The following AMPH variants were observed in gnomAD, a reference collection of about 807,000 sequenced individuals.
AMPH encodes the protein amphiphysin, also known as amphiphysin (Stiff-Mann syndrome with breast cancer 128kD autoantigen).
Under a neutral mutation model 99.1 loss-of-function variants are expected in AMPH, and 49 were observed. The ratio of observed to expected loss-of-function variants is 0.49; its 90% CI spans 0.39 to 0.63. The LOEUF is 0.63. Among genes scored for constraint, AMPH ranks in the 20% least tolerant of loss-of-function variants. The pLI is 0.00. For synonymous variants in AMPH, 314 were observed against 317.3 expected (o/e 0.99, Z 0.11); for missense variants, 759 against 863.4 (o/e 0.88, Z 1.52).
At chr7:38,562,827 A>T (rs902846848) in intron 1 of AMPH, among the ~76,000 whole-genome samples, 2 of 152,212 alleles carry the variant, frequency 1.3e-5, no homozygotes, top group African/African-American at 4.8e-5. Context: ...GTGTGTCTTC[A>T]TACTTATTTT....
At chr7:38,560,643 C>A (rs1389327736) in intron 1 of AMPH, among the ~76,000 whole-genome samples, 1 of 152,206 alleles carries the variant, frequency 6.6e-6, no homozygotes, top group African/African-American at 2.4e-5. Context: ...AAGAAGAGAA[C>A]TTGTTCTAAA....
intron 9 of AMPH, chr7:38,464,044 T>A: frequency 7.8e-7 from 1 of 1,288,624 alleles, no homozygotes; most frequent in South Asian, 1.2e-5. Context: ...GATGGAAACA[T>A]AGCCCCAATC....
chr7:38,610,946 A>T (rs1793661583), intron 1 of AMPH, among the ~76,000 whole-genome samples: 1 of 152,202 alleles, frequency 6.6e-6, no homozygotes, highest in South Asian at 2.1e-4. Flanking sequence ...AAGTTTAATG[A>T]TCCAGCAATC....
intron 11 of AMPH, among the ~76,000 whole-genome samples, chr7:38,455,824 C>T (rs1787210521): frequency 6.6e-6 from 1 of 152,202 alleles, no homozygotes. Context: ...GAGCTAAGCC[C>T]CCAAAAGGAC....
At chr7:38,510,163 G>T (rs549147319) in intron 2 of AMPH, among the ~76,000 whole-genome samples, 2 of 152,260 alleles carry the variant, frequency 1.3e-5, no homozygotes, top group South Asian at 4.2e-4. Context: ...GTTGGTAGGT[G>T]CAGTTTCCCC....
At chr7:38,504,535 A>G (rs1466034448) in intron 2 of AMPH, among the ~76,000 whole-genome samples, 1 of 152,192 alleles carries the variant, frequency 6.6e-6, no homozygotes, top group Non-Finnish European at 1.5e-5. Flanking sequence ...GCAAGTTACC[A>G]CTGTGGGCAA....
At chr7:38,535,988 C>A (rs1329939229) in intron 1 of AMPH, among the ~76,000 whole-genome samples, 1 of 152,100 alleles carries the variant, frequency 6.6e-6, no homozygotes, top group East Asian at 1.9e-4. Flanking sequence ...TCCGTCTCAC[C>A]ATCTTCTGAT....
At chr7:38,496,254 CA>C (rs1377456993) in intron 3 of AMPH, among the ~76,000 whole-genome samples, 1 of 152,162 alleles carries the variant, frequency 6.6e-6, no homozygotes, top group Non-Finnish European at 1.5e-5. Flanking sequence ...GAGAAAAGGA[CA>C]AACTAAAAGA....
intron 1 of AMPH, among the ~76,000 whole-genome samples, chr7:38,611,241 T>C (rs1231392836): frequency 6.6e-6 from 1 of 152,166 alleles, no homozygotes; most frequent in Non-Finnish European, 1.5e-5. Flanking sequence ...TCCATTCATA[T>C]GATGTATCTA....
intron 1 of AMPH, among the ~76,000 whole-genome samples, chr7:38,553,015 G>A (rs1226927678): frequency 2.0e-5 from 3 of 152,142 alleles, no homozygotes; most frequent in African/African-American, 4.8e-5. Context: ...TTAACTTCCT[G>A]TAAGCCAGTG....
chr7:38,532,116 G>GCT (rs1790423122), intron 2 of AMPH, among the ~76,000 whole-genome samples: 1 of 152,058 alleles, frequency 6.6e-6, no homozygotes, highest in African/African-American at 2.4e-5. Flanking sequence ...TCAGTCTTCA[G>GCT]CTACACTTCT....
intron 13 of AMPH, among the ~76,000 whole-genome samples, chr7:38,430,875 A>G (rs189946175): frequency 2.6e-5 from 4 of 152,368 alleles, no homozygotes; most frequent in East Asian, 3.9e-4. Context: ...TGCAGAAGGA[A>G]GGGACAGACA....
At chr7:38,562,172 A>G (rs1562828785) in intron 1 of AMPH, among the ~76,000 whole-genome samples, 1 of 152,306 alleles carries the variant, frequency 6.6e-6, no homozygotes, top group South Asian at 2.1e-4. Context: ...AGGTAAGCAC[A>G]GAGCAACCTC....
intron 1 of AMPH, among the ~76,000 whole-genome samples, chr7:38,627,145 C>T (rs1794278888): frequency 6.6e-6 from 1 of 152,072 alleles, no homozygotes. Flanking sequence ...TTCAACCAGT[C>T]CAACCCGTGG....
At chr7:38,527,288 A>G (rs1448514968) in intron 2 of AMPH, among the ~76,000 whole-genome samples, 2 of 152,262 alleles carry the variant, frequency 1.3e-5, no homozygotes, top group Non-Finnish European at 2.9e-5. Flanking sequence ...TGGTCATAAA[A>G]AACATGCTGT....
At chr7:38,403,687 G>C (rs1288203903) in intron 17 of AMPH, among the ~76,000 whole-genome samples, 1 of 152,224 alleles carries the variant, frequency 6.6e-6, no homozygotes. Context: ...AATACGGCCT[G>C]CCAAAGTGCC....
intron 17 of AMPH, among the ~76,000 whole-genome samples, chr7:38,416,100 TGA>T (rs1271969496): frequency 2.4e-5 from 2 of 83,452 alleles, no homozygotes; most frequent in African/African-American, 4.3e-5. Flanking sequence ...ATCAAACATA[TGA>T]ATATATATAT....
chr7:38,523,907 A>G (rs961865002), intron 2 of AMPH, among the ~76,000 whole-genome samples: 1 of 148,388 alleles, frequency 6.7e-6, no homozygotes, highest in African/African-American at 2.5e-5. Flanking sequence ...ATATTTATTA[A>G]TATTACTTAT....
intron 15 of AMPH, among the ~76,000 whole-genome samples, chr7:38,425,400 G>A (rs1246454185): frequency 1.3e-5 from 2 of 152,226 alleles, no homozygotes; most frequent in East Asian, 1.9e-4. Flanking sequence ...TAACTATAGA[G>A]TATGGGGTTG....
Sources: gnomAD v4.1 joint callset for allele counts (sites outside exome capture counted in the v4.1 genomes callset) on GRCh38, gnomAD v4.1.1 for gene constraint, MANE v1.5 for transcripts, NCBI Gene and HGNC (gene_info 2026-07-23, HGNC 2026-07-21) for gene names.